The following IGSF8 variants were observed in gnomAD, a reference collection of about 807,000 sequenced individuals.
IGSF8 encodes the protein CD81 partner 3.
A neutral mutation model predicts 55.5 loss-of-function variants in IGSF8; 46 were observed. The observed-to-expected ratio is 0.83, with a 90% CI of 0.65 to 1.06. The LOEUF (loss-of-function observed/expected upper bound fraction) is 1.06. Among genes scored for constraint, IGSF8 ranks in the 50% least tolerant of loss-of-function variants. The pLI is 0.00. For missense variants in IGSF8, 731 were observed against 832.3 expected, an observed-to-expected ratio of 0.88 and a Z score of 1.50; for synonymous variants, 314 against 356.1, an observed-to-expected ratio of 0.88 and a Z score of 1.33.
rs1007534064 is a variant in IGSF8, at chr1:160,098,427, G to A, written c.46C>T (p.Leu16=). The A allele has an allele frequency of 1.9e-6, 3 of 1,548,510 alleles. No homozygotes were observed. In the African/African-American group the frequency reaches 4.1e-5, roughly 21 times the overall value. The change falls in exon 1 of 7, where the codon CTG becomes TTG. Residue 16 remains leucine, a synonymous_variant. Transcript: ENST00000314485. The part of the protein sequence containing the change: ...PTLLPPSLPL[L]LLLMLGMGCW... The stretch of plus-strand genomic sequence containing the variant: ...GGCTTACCTAGCATTAGCAGCAGCA[G>A]CAGCGGCAGCGAAGGCGGCAGCAGC...
intron 1 of IGSF8, among the ~76,000 whole-genome samples, chr1:160,095,785 G>A (rs1320508784): frequency 6.6e-6 from 1 of 152,246 alleles, no homozygotes; most frequent in East Asian, 1.9e-4. Context: ...CACAGGCCCA[G>A]TCAGTTCTCA....
intron 1 of IGSF8, among the ~76,000 whole-genome samples, chr1:160,096,787 T>A (rs529460032): frequency 2.0e-5 from 3 of 152,246 alleles, no homozygotes; most frequent in Admixed American, 6.5e-5. Flanking sequence ...GCTCTGACCA[T>A]GTGTGAGTGC....
chr1:160,092,546 C>G lies in IGSF8; in HGVS notation c.1462G>C (p.Glu488Gln). 1 of 1,612,076 alleles carries G rather than the reference C, an allele frequency of 6.2e-7. No individual in the cohort carries two copies. Among genetic ancestry groups the G allele is most frequent in the Non-Finnish European group, 8.5e-7 (1 of 1,179,700 alleles). The change falls in exon 5 of 7, where the codon GAG becomes CAG. Residue 488 changes from glutamate to glutamine, a missense_variant. Transcript: ENST00000314485. ...SWWVERPEDG[E>Q]LSSVPAQLVG... ...AGCTGGGCAGGGACAGAGCTGAGCT[C>G]TCCGTCCTCTGGTCGCTCCACCCAC...
rs1426742254 is a variant in IGSF8 at position 160,091,850 on chromosome 1, G to A, written c.1815C>T (p.Cys605=). ...GATVLGTITC[C]FMKRLRKR ...ACCGTTTTCGAAGCCTCTTCATGAAGCAGCAAGTGATGGTACCAAGGACAG... is the reference window on the plus strand; with the variant it reads ...ACCGTTTTCGAAGCCTCTTCATGAAACAGCAAGTGATGGTACCAAGGACAG... Residue 605 remains cysteine (C), a synonymous_variant, in exon 6 of 7, where the codon TGC becomes TGT. Transcript: ENST00000314485. The A allele has an allele frequency of 6.2e-7, 1 of 1,613,670 alleles. No homozygotes were observed. The highest frequency in any genetic ancestry group is 2.2e-5 in the East Asian group (1 of 44,886).
At position 160,091,623 on chromosome 1, in the gene IGSF8, C is replaced by T. The variant is rs1282717951; in HGVS notation, c.*16-15G>A. ...ACCTGCAAGACCTGAAAAGGGTGCCCGGTGTGGGCTAAGGACAGAGAGCCC... is the reference window on the plus strand; with the variant it reads ...ACCTGCAAGACCTGAAAAGGGTGCCTGGTGTGGGCTAAGGACAGAGAGCCC... On this transcript the variant is annotated splice_polypyrimidine_tract_variant and intron_variant, in intron 6 of 6. Transcript: ENST00000314485. 15 of 584,480 alleles carry T rather than the reference C, an allele frequency of 2.6e-5. No homozygotes were observed. The highest frequency in any genetic ancestry group is 3.1e-5 in the Non-Finnish European group (10 of 322,490). 36.2% of individuals were successfully genotyped at this position (584,480 alleles called of 1,614,324 possible).
intron 1 of IGSF8, among the ~76,000 whole-genome samples, chr1:160,095,517 A>T (rs997782368): frequency 2.0e-5 from 3 of 152,234 alleles, no homozygotes; most frequent in African/African-American, 7.2e-5. Context: ...GAAGGCAGAA[A>T]GGAGTACATC....
chr1:160,098,298 G>A, intron 1 of IGSF8, 111 bp downstream of exon 1: 1 of 1,437,990 alleles, frequency 7.0e-7, no homozygotes, highest in Non-Finnish European at 9.2e-7. Context: ...CGGGGAGGCT[G>A]GAGGTACCCC....
At position 160,093,106 on chromosome 1, in the gene IGSF8, C is replaced by T. The variant is rs749690462; in HGVS notation, c.1130G>A (p.Arg377Gln). 9 of 1,613,962 alleles carry T rather than the reference C, an allele frequency of 5.6e-6. No individual in the cohort carries two copies. Among genetic ancestry groups the T allele is most frequent in the Admixed American group, 3.3e-5 (2 of 60,014 alleles). The change falls in exon 4 of 7, where the codon CGA (arginine) becomes CAA (glutamine). Residue 377 changes from arginine to glutamine, a missense_variant. Coordinates refer to ENST00000314485, the MANE Select transcript of IGSF8 (RefSeq NM_052868.6). Reference sequence around the variant, plus strand: ...TGCCACCTTCTCCATGGCAATGTGTCGGCCCTCATAGCCAGGGCCCAGGCT... The same window carrying T: ...TGCCACCTTCTCCATGGCAATGTGTTGGCCCTCATAGCCAGGGCCCAGGCT... ...VGSLGPGYEGRHIAMEKVASR... is the reference protein window; with the variant it reads ...VGSLGPGYEGQHIAMEKVASR...
chr1:160,094,073 C>T lies in IGSF8; in HGVS notation c.541G>A (p.Glu181Lys), dbSNP rs1260001890. The change falls in exon 3 of 7, where the codon GAG (glutamate) becomes AAG (lysine). Residue 181 changes from glutamate to lysine, a missense_variant. By Grantham distance (56) the Glu-to-Lys change is moderately conservative. Transcript: ENST00000314485. This position sits in a 1 kb window ranked among gnomAD's most constrained non-coding sequence, Gnocchi z 4.0. ...PPRMTVHEGQ[E>K]LALGCLARTS... ...CTCGCCAGGCAGCCCAGTGCCAGCT[C>T]CTGCCCCTCATGCACCGTCATGCGT... The T allele has an allele frequency of 6.2e-7, 1 of 1,613,220 alleles. No individual in the cohort carries two copies. The highest frequency in any genetic ancestry group is 8.5e-7 in the Non-Finnish European group (1 of 1,180,042).
chr1:160,092,999 GA>G lies in IGSF8; in HGVS notation c.1236del (p.Arg413GlufsTer35). 6.2e-7 allele frequency: 1 copy of G among 1,614,002 alleles called. No homozygotes were observed. Among genetic ancestry groups the G allele is most frequent in the Non-Finnish European group, 8.5e-7 (1 of 1,179,878 alleles). On this transcript the variant is annotated frameshift_variant, in exon 4 of 7. Coordinates refer to ENST00000314485, the MANE Select transcript of IGSF8 (RefSeq NM_052868.6). LOFTEE classifies it high-confidence loss of function. ...TCACGAAGCCGGGTCCCAGACCCTCGAACATAGGCTTTGGCGAGGCAGCGGT... is the reference window on the plus strand; with the variant it reads ...TCACGAAGCCGGGTCCCAGACCCTCGACATAGGCTTTGGCGAGGCAGCGGT... ...GTYRCLAKAY[V>X]RGSGTRLREA...
At chr1:160,095,389 G>A in intron 1 of IGSF8, 143 bp from the exon 2 acceptor site, 1 of 813,910 alleles carries the variant, frequency 1.2e-6, no homozygotes, top group South Asian at 1.8e-5. Flanking sequence ...CCTGTTCTGA[G>A]AATAGGAAAG....
intron 4 of IGSF8, 74 bp from the exon 5 acceptor site, chr1:160,092,769 G>A (rs116705704): frequency 9.8e-6 from 15 of 1,535,588 alleles, no homozygotes; most frequent in African/African-American, 2.7e-5. Context: ...GCCAAGCACC[G>A]CCCCAGGAAA....
chr1:160,098,118 G>C (rs568583342), intron 1 of IGSF8, among the ~76,000 whole-genome samples: 22 of 152,390 alleles, frequency 1.4e-4, no homozygotes, highest in African/African-American at 4.6e-4. Flanking sequence ...CCCAGTACGT[G>C]GGTATGCTAG....
chr1:160,094,902 G>A lies in IGSF8; in HGVS notation c.409C>T (p.Leu137=). 6.2e-7 allele frequency: 1 copy of A among 1,613,796 alleles called. No individual in the cohort carries two copies. The highest frequency in any genetic ancestry group is 8.5e-7 in the Non-Finnish European group (1 of 1,179,876). The change falls in exon 2 of 7, where the codon CTG becomes TTG. Residue 137 remains leucine, a synonymous_variant. Coordinates refer to ENST00000314485, the MANE Select transcript of IGSF8 (RefSeq NM_052868.6). The surrounding 1 kb of genome is among the most constrained non-coding windows in gnomAD (Gnocchi z 4.0). Reference sequence around the variant, plus strand: ...TCCACCTTGCCGCTGTAGCTGCCCAGGTAGCGGGTATCAGTGGAGGGGGTG... The same window carrying A: ...TCCACCTTGCCGCTGTAGCTGCCCAAGTAGCGGGTATCAGTGGAGGGGGTG... ...CHTPSTDTRY[L]GSYSGKVELR...
chr1:160,095,320 T>A (rs1381477552), intron 1 of IGSF8, 74 bp from the exon 2 acceptor site: 1 of 1,419,428 alleles, frequency 7.0e-7, no homozygotes, highest in Non-Finnish European at 9.5e-7. Context: ...CAAGCACCAT[T>A]CTTGATCTCT....
chr1:160,098,372 C>G, intron 1 of IGSF8, 37 bp downstream of exon 1: 1 of 1,552,044 alleles, frequency 6.4e-7, no homozygotes, highest in Non-Finnish European at 8.7e-7. Context: ...GGCACCTGCC[C>G]GGCAGGGCCG....
chr1:160,095,760 C>T (rs1426010516), intron 1 of IGSF8, among the ~76,000 whole-genome samples: 1 of 152,220 alleles, frequency 6.6e-6, no homozygotes, highest in Non-Finnish European at 1.5e-5. Flanking sequence ...AGCCAGTGAC[C>T]CTAGCTGGAA....
chr1:160,094,809 T>TGGCCTTG lies in IGSF8; in HGVS notation c.442+53_442+59dup, dbSNP rs1159569817. 1 of 1,547,696 alleles carries TGGCCTTG rather than the reference T, an allele frequency of 6.5e-7. No homozygotes were observed. On this transcript the variant is annotated intron_variant, in intron 2 of 6. Transcript: ENST00000314485. This position sits in a 1 kb window ranked among gnomAD's most constrained non-coding sequence, Gnocchi z 4.0. ...AAGGGGCAACTAGATAGGTCACTTGTGGCCTTGACTTTCTGCCTTGAGAGG... is the reference window on the plus strand; with the variant it reads ...AAGGGGCAACTAGATAGGTCACTTGTGGCCTTGGGCCTTGACTTTCTGCCTTGAGAGG...
chr1:160,092,496 A>G lies in IGSF8; in HGVS notation c.1512T>C (p.Gly504=). The change falls in exon 5 of 7, where the codon GGT becomes GGC. Residue 504 remains glycine (G), a synonymous_variant. Transcript: ENST00000314485. Reference sequence around the variant, plus strand: ...CAGGCCGGACTCCCAGCTCTGCCACACCATCCTGGCCTACGCCACCCACCA... The same window carrying G: ...CAGGCCGGACTCCCAGCTCTGCCACGCCATCCTGGCCTACGCCACCCACCA... The part of the protein sequence containing the change: ...AQLVGGVGQD[G]VAELGVRPGG... 3 of 1,613,474 alleles carry G rather than the reference A, an allele frequency of 1.9e-6. No homozygotes were observed. The highest frequency in any genetic ancestry group is 1.7e-4 in the Middle Eastern group (1 of 6,042).
Sources: gnomAD v4.1 joint callset for allele counts (sites outside exome capture counted in the v4.1 genomes callset) on GRCh38, gnomAD v4.1.1 for gene constraint, Gnocchi (gnomAD v3.1) non-coding constraint, MANE v1.5 for transcripts, NCBI Gene and HGNC (gene_info 2026-07-23, HGNC 2026-07-21) for gene names.